CLSTN2: variants seen among roughly 807,000 people sequenced by gnomAD.
CLSTN2 encodes the protein calsyntenin-2.
In CLSTN2, 48 loss-of-function variants were observed where a neutral mutation model predicts 101.2. The ratio of observed to expected loss-of-function variants is 0.47; its 90% CI spans 0.38 to 0.60. The LOEUF (loss-of-function observed/expected upper bound fraction) is 0.60, where lower values mean the gene tolerates loss of function less well. Among genes scored for constraint, CLSTN2 ranks in the 20% least tolerant of loss-of-function variants. CLSTN2 has a pLI of 0.00. For synonymous variants in CLSTN2, 481 were observed against 463.6 expected (o/e 1.04, Z -0.48); for missense variants, 1,160 against 1,238.2 (o/e 0.94, Z 0.95).
chr3:140,084,678 G>A (rs2008651628), intron 1 of CLSTN2, among the ~76,000 whole-genome samples: 1 of 152,154 alleles, frequency 6.6e-6, no homozygotes, highest in Non-Finnish European at 1.5e-5. Context: ...ACTGATATGG[G>A]ATATAACCTA....
chr3:140,214,445 C>T (rs1216340990), intron 2 of CLSTN2, among the ~76,000 whole-genome samples: 1 of 84,810 alleles, frequency 1.2e-5, no homozygotes, highest in African/African-American at 4.8e-5. Context: ...TGCAGTGAGA[C>T]TCTGTCTTAA....
Position 140,069,581 on chromosome 3 carries a change from T to G in CLSTN2, c.110-106370T>G, listed in dbSNP as rs574564919. On this transcript the variant is annotated intron_variant, in intron 1 of 16. Coordinates refer to ENST00000458420, the MANE Select transcript of CLSTN2 (RefSeq NM_022131.3). ...TCATAAGAGTGGATTTCAGCTTTTA[T>G]GCTTTGTCTCCACTAATCCCTATAG... Among the ~76,000 whole-genome samples, 3 of 152,354 alleles carry G rather than the reference T, an allele frequency of 2.0e-5. No homozygotes were observed. The East Asian group carries it at 5.8e-4, about 29-fold the overall frequency.
chr3:140,023,304 C>G (rs1220699849), intron 1 of CLSTN2, among the ~76,000 whole-genome samples: 1 of 152,114 alleles, frequency 6.6e-6, no homozygotes, highest in African/African-American at 2.4e-5. Flanking sequence ...AGATAAGGAG[C>G]GCGCAAACCT....
intron 12 of CLSTN2, among the ~76,000 whole-genome samples, chr3:140,559,495 A>G (rs1474457007): frequency 1.4e-5 from 2 of 139,178 alleles, no homozygotes; most frequent in East Asian, 4.2e-4. Flanking sequence ...AGTAATTTGA[A>G]TTATCTACCA....
chr3:140,258,667 CT>C (rs1576488001), intron 2 of CLSTN2, among the ~76,000 whole-genome samples: 1 of 152,200 alleles, frequency 6.6e-6, no homozygotes, highest in East Asian at 1.9e-4. Context: ...CTTTTCCCCC[CT>C]CTTTTAATGT....
At chr3:140,366,916 G>A (rs2107954127) in intron 2 of CLSTN2, among the ~76,000 whole-genome samples, 1 of 152,328 alleles carries the variant, frequency 6.6e-6, no homozygotes, top group Admixed American at 6.5e-5. Flanking sequence ...ACCCAGGGTA[G>A]AACTAGCACC....
At chr3:140,172,581 A>T (rs1187579317) in intron 1 of CLSTN2, among the ~76,000 whole-genome samples, 1 of 152,182 alleles carries the variant, frequency 6.6e-6, no homozygotes, top group Non-Finnish European at 1.5e-5. Flanking sequence ...GAGTACCACA[A>T]ACTGGGTGGA....
chr3:140,058,316 A>G (rs1559796), intron 1 of CLSTN2, among the ~76,000 whole-genome samples: 81,750 of 152,006 alleles, frequency 0.54, 24,856 homozygotes, highest in South Asian at 0.79. Flanking sequence ...CATCTGGCCT[A>G]GTAATATTGG....
chr3:140,105,755 C>G (rs1229284267), intron 1 of CLSTN2, among the ~76,000 whole-genome samples: 4 of 152,186 alleles, frequency 2.6e-5, no homozygotes, highest in Admixed American at 6.5e-5. Flanking sequence ...CATCTTATCT[C>G]CTGTGTACAG....
intron 2 of CLSTN2, among the ~76,000 whole-genome samples, chr3:140,269,172 C>T (rs2107888406): frequency 6.6e-6 from 1 of 152,274 alleles, no homozygotes; most frequent in East Asian, 1.9e-4. Flanking sequence ...GGAAGATTTT[C>T]CATGGATACA....
At chr3:139,938,300 G>A (rs1221224408) in intron 1 of CLSTN2, among the ~76,000 whole-genome samples, 1 of 152,186 alleles carries the variant, frequency 6.6e-6, no homozygotes, top group African/African-American at 2.4e-5. Context: ...CTGTCTGGAA[G>A]CATGTGCTCC....
chr3:140,171,358 G>T (rs1401346824), intron 1 of CLSTN2, among the ~76,000 whole-genome samples: 2 of 151,990 alleles, frequency 1.3e-5, no homozygotes, highest in Non-Finnish European at 2.9e-5. Flanking sequence ...CAAGGCATAT[G>T]TCCCTGCCTC....
chr3:140,223,306 G>A (rs956259561), intron 2 of CLSTN2, among the ~76,000 whole-genome samples: 6 of 152,128 alleles, frequency 3.9e-5, no homozygotes, highest in South Asian at 2.1e-4. Context: ...GTTTATTCAC[G>A]CTGCACAGGC....
At chr3:140,297,893 T>C (rs777894712) in intron 2 of CLSTN2, among the ~76,000 whole-genome samples, 9 of 152,238 alleles carry the variant, frequency 5.9e-5, no homozygotes, top group Non-Finnish European at 1.3e-4. Context: ...GATAAACCCA[T>C]TGAAAGTAGA....
chr3:140,241,611 A>G (rs1267833763), intron 2 of CLSTN2, among the ~76,000 whole-genome samples: 1 of 151,880 alleles, frequency 6.6e-6, no homozygotes, highest in African/African-American at 2.4e-5. Context: ...TCATTTATTC[A>G]TTCATTTAAC....
chr3:140,137,189 C>T, intron 1 of CLSTN2, among the ~76,000 whole-genome samples: 1 of 152,106 alleles, frequency 6.6e-6, no homozygotes, highest in South Asian at 2.1e-4. Context: ...TTTCTCCTGC[C>T]CCAGCCCCAG....
At chr3:139,980,118 C>T (rs1479764975) in intron 1 of CLSTN2, among the ~76,000 whole-genome samples, 2 of 152,132 alleles carry the variant, frequency 1.3e-5, no homozygotes, top group African/African-American at 2.4e-5. Flanking sequence ...GCAGTAGTCT[C>T]CTGATAGTCT....
intron 2 of CLSTN2, among the ~76,000 whole-genome samples, chr3:140,348,069 T>A (rs2087567172): frequency 6.6e-6 from 1 of 152,200 alleles, no homozygotes; most frequent in African/African-American, 2.4e-5. Flanking sequence ...AGGTACTGAG[T>A]GTTAGCTCTA....
intron 2 of CLSTN2, among the ~76,000 whole-genome samples, chr3:140,177,899 A>G (rs1344584627): frequency 6.6e-6 from 1 of 152,164 alleles, no homozygotes; most frequent in Admixed American, 6.5e-5. Context: ...TCCTTTTTCC[A>G]CTGAGCATGA....
Sources: allele counts gnomAD v4.1 joint callset (sites outside exome capture counted in the v4.1 genomes callset), GRCh38; gene constraint gnomAD v4.1.1; transcripts MANE v1.5; gene names NCBI Gene and HGNC (gene_info 2026-07-23, HGNC 2026-07-21).